The following CTNNA3 variants were observed in gnomAD, a reference collection of about 807,000 sequenced individuals.
CTNNA3 encodes catenin alpha-3.
Under a neutral mutation model 95.7 loss-of-function variants are expected in CTNNA3, and 76 were observed. That is an observed-to-expected ratio of 0.79 (90% CI 0.66 to 0.96). The LOEUF (loss-of-function observed/expected upper bound fraction) is 0.96, where lower values mean the gene tolerates loss of function less well. CTNNA3 is among the 40% of genes least tolerant of loss of function. The pLI is 0.00. For synonymous variants in CTNNA3, 431 were observed against 374.4 expected (o/e 1.15, Z -1.74); for missense variants, 1,191 against 1,089.8 (o/e 1.09, Z -1.31).
chr10:66,796,854 T>A (rs945268111), intron 7 of CTNNA3, among the ~76,000 whole-genome samples: 3 of 152,022 alleles, frequency 2.0e-5, no homozygotes, highest in Non-Finnish European at 4.4e-5. Flanking sequence ...CTAAAACTGA[T>A]CTCAGCAAGA....
intron 9 of CTNNA3, among the ~76,000 whole-genome samples, chr10:66,711,265 A>C (rs1848283727): frequency 6.6e-6 from 1 of 151,338 alleles, no homozygotes; most frequent in South Asian, 2.1e-4. Context: ...AAACAAAAAA[A>C]AAAAAAAAAA....
intron 5 of CTNNA3, among the ~76,000 whole-genome samples, chr10:67,478,160 CAA>C (rs1399934386): frequency 6.6e-6 from 1 of 152,024 alleles, no homozygotes; most frequent in Non-Finnish European, 1.5e-5. Context: ...TAAAAATGAA[CAA>C]AGTCATTGAG....
At chr10:67,743,335 G>C (rs1355075931) in intron 1 of CTNNA3, among the ~76,000 whole-genome samples, 1 of 151,206 alleles carries the variant, frequency 6.6e-6, no homozygotes, top group Non-Finnish European at 1.5e-5. Context: ...TGGGATGCAA[G>C]GCTGGTTCAA....
intron 3 of CTNNA3, among the ~76,000 whole-genome samples, chr10:67,550,210 A>G (rs1257572756): frequency 1.3e-5 from 2 of 152,328 alleles, no homozygotes; most frequent in East Asian, 3.9e-4. Context: ...TTTCAGCTTC[A>G]GTATTCATAT....
chr10:66,597,831 A>G (rs1589472384), intron 10 of CTNNA3, among the ~76,000 whole-genome samples: 2 of 151,894 alleles, frequency 1.3e-5, no homozygotes, highest in Non-Finnish European at 2.9e-5. Context: ...GCAAAATCTG[A>G]GAAACTTCAC....
chr10:67,271,270 C>G (rs1241726278), intron 5 of CTNNA3, among the ~76,000 whole-genome samples: 1 of 152,070 alleles, frequency 6.6e-6, no homozygotes, highest in Non-Finnish European at 1.5e-5. Flanking sequence ...AGGGAGAGAC[C>G]AGGTGGAGTA....
At chr10:67,643,234 C>T (rs952913587) in intron 2 of CTNNA3, among the ~76,000 whole-genome samples, 2 of 152,106 alleles carry the variant, frequency 1.3e-5, no homozygotes, top group East Asian at 3.9e-4. Flanking sequence ...GAAAACCAAA[C>T]ACCACATGTT....
At chr10:67,492,537 C>T (rs1244992908) in intron 5 of CTNNA3, among the ~76,000 whole-genome samples, 2 of 152,128 alleles carry the variant, frequency 1.3e-5, no homozygotes, top group African/African-American at 4.8e-5. Flanking sequence ...TGCTTATGTC[C>T]CAATGGAGAA....
intron 1 of CTNNA3, among the ~76,000 whole-genome samples, chr10:67,736,807 G>A (rs1841305479): frequency 6.6e-6 from 1 of 152,006 alleles, no homozygotes. Flanking sequence ...CTAGACTTAA[G>A]AGGCCTGACA....
chr10:67,105,379 T>C lies in CTNNA3; in HGVS notation c.1047+74938A>G, dbSNP rs77913611. 0.011 allele frequency among the ~76,000 whole-genome samples: 1,660 copies of C among 152,256 alleles called. 59 individuals carry two copies. The East Asian group carries it at 0.12, about 11-fold the overall frequency. On this transcript the variant is annotated intron_variant, in intron 7 of 17. Transcript: ENST00000433211. ...AAAAAGATTTAAACTAAATGCTACA[T>C]GTTCTTTCCAAGGTCAAATTTGAAA...
intron 5 of CTNNA3, among the ~76,000 whole-genome samples, chr10:67,348,560 G>A (rs1842519038): frequency 6.6e-6 from 1 of 152,102 alleles, no homozygotes; most frequent in South Asian, 2.1e-4. Flanking sequence ...ATGGTGGAAG[G>A]GAAAGGGGGA....
chr10:66,978,354 T>G (rs1589533429), intron 7 of CTNNA3, among the ~76,000 whole-genome samples: 1 of 151,080 alleles, frequency 6.6e-6, no homozygotes, highest in East Asian at 2.0e-4. Context: ...GGCAAAACCC[T>G]GTCTCTACTA....
At chr10:65,968,250 G>T (rs535944634) in intron 16 of CTNNA3, among the ~76,000 whole-genome samples, 1 of 151,968 alleles carries the variant, frequency 6.6e-6, no homozygotes, top group African/African-American at 2.4e-5. Context: ...AAATTAGCCA[G>T]GTGTGGTCCC....
chr10:66,269,291 T>TA (rs1378190574), intron 13 of CTNNA3, among the ~76,000 whole-genome samples: 1 of 152,208 alleles, frequency 6.6e-6, no homozygotes. Flanking sequence ...GTTTGTACTC[T>TA]AAGAGTTAAA....
intron 1 of CTNNA3, among the ~76,000 whole-genome samples, chr10:67,707,332 TC>T (rs1049666441): frequency 6.6e-6 from 1 of 152,126 alleles, no homozygotes; most frequent in African/African-American, 2.4e-5. Flanking sequence ...CTCACAACAT[TC>T]TTTCCCCTTG....
intron 7 of CTNNA3, among the ~76,000 whole-genome samples, chr10:66,954,009 C>T (rs1848669459): frequency 6.6e-6 from 1 of 152,158 alleles, no homozygotes; most frequent in African/African-American, 2.4e-5. Flanking sequence ...AAAGCTGGTG[C>T]ATAGTAAGTG....
At chr10:67,207,187 T>A (rs1010212140) in intron 6 of CTNNA3, among the ~76,000 whole-genome samples, 16 of 152,142 alleles carry the variant, frequency 1.1e-4, no homozygotes, top group Non-Finnish European at 2.9e-5. Flanking sequence ...CAATTTTAAA[T>A]GGAAATCAAT....
Position 65,976,928 on chromosome 10 carries a change from T to C in CTNNA3, c.2266-10182A>G, listed in dbSNP as rs183029529. The stretch of plus-strand genomic sequence containing the variant: ...TTCTTTCAAACCATAGGTTGTCTTT[T>C]AATTTTGTTGATTATTACATTGTAT... On this transcript the variant is annotated intron_variant, in intron 16 of 17. Coordinates refer to ENST00000433211, the MANE Select transcript of CTNNA3 (RefSeq NM_013266.4). 6.6e-5 allele frequency among the ~76,000 whole-genome samples: 10 copies of C among 152,302 alleles called. No individual in the cohort carries two copies. In the East Asian group the frequency reaches 1.2e-3, roughly 18 times the overall value.
chr10:67,437,167 T>G (rs1277025533), intron 5 of CTNNA3, among the ~76,000 whole-genome samples: 1 of 152,162 alleles, frequency 6.6e-6, no homozygotes, highest in African/African-American at 2.4e-5. Context: ...TAACAGCATT[T>G]GCAGCGACCT....
Sources: allele counts gnomAD v4.1 joint callset (sites outside exome capture counted in the v4.1 genomes callset), GRCh38; gene constraint gnomAD v4.1.1; transcripts MANE v1.5; gene names NCBI Gene and HGNC (gene_info 2026-07-23, HGNC 2026-07-21).